GLCCI1: variants seen among roughly 807,000 people sequenced by gnomAD.
GLCCI1 encodes the protein glucocorticoid induced 1.
Under a neutral mutation model 52.2 loss-of-function variants are expected in GLCCI1, and 24 were observed. The observed-to-expected ratio is 0.46, with a 90% confidence interval of 0.33 to 0.65. The LOEUF is 0.65. GLCCI1 is among the 30% of genes least tolerant of loss of function. The pLI is 0.02. For synonymous variants in GLCCI1, 310 were observed against 276.5 expected, an observed-to-expected ratio of 1.12 and a Z score of -1.20; for missense variants, 704 against 701.5, an observed-to-expected ratio of 1.00 and a Z score of -0.04.
chr7:7,990,264 T>C (rs1780811779), intron 1 of GLCCI1, among the ~76,000 whole-genome samples: 1 of 152,100 alleles, frequency 6.6e-6, no homozygotes, highest in Non-Finnish European at 1.5e-5. Flanking sequence ...CAGTGCTCTT[T>C]GTTTGTTGAG....
In GLCCI1 at chr7:8,052,900, C is replaced by T. The variant is rs543610660; in HGVS notation, c.697-2533C>T. ...TAAGTTAAGATTTCCCATTTCCCTGCTCTATGGTGGAATAGAATTCATTCT... is the reference window on the plus strand; with the variant it reads ...TAAGTTAAGATTTCCCATTTCCCTGTTCTATGGTGGAATAGAATTCATTCT... On this transcript the variant is annotated intron_variant, in intron 3 of 7. Transcript: ENST00000223145. Among the ~76,000 whole-genome samples, 203 of 152,212 alleles carry T rather than the reference C, an allele frequency of 1.3e-3. 1 individual carries two copies. Among genetic ancestry groups the T allele is most frequent in the African/African-American group, 4.6e-3 (192 of 41,524 alleles).
chr7:8,043,045 A>T (rs529792528), intron 3 of GLCCI1, among the ~76,000 whole-genome samples: 66 of 152,356 alleles, frequency 4.3e-4, no homozygotes, highest in Non-Finnish European at 7.1e-4. Context: ...CATCTACGAG[A>T]CAAGAGCTTC....
intron 1 of GLCCI1, among the ~76,000 whole-genome samples, chr7:7,991,481 A>G (rs983728005): frequency 3.9e-5 from 6 of 152,094 alleles, no homozygotes; most frequent in Non-Finnish European, 7.4e-5. Flanking sequence ...TACATTTTAC[A>G]TGGCATAATT....
rs1201670907 is a variant in GLCCI1, at chr7:8,045,289, C to A, written c.697-10144C>A. On this transcript the variant is annotated intron_variant, in intron 3 of 7. Transcript: ENST00000223145. ...TTCACAAGGCACACTTACAGATGCA[C>A]CCACACTCGCTCAGACTGGGACCAT... Among the ~76,000 whole-genome samples, 6 of 152,180 alleles carry A rather than the reference C, an allele frequency of 3.9e-5. No homozygotes were observed. The East Asian group carries it at 1.2e-3, about 29-fold the overall frequency.
intron 5 of GLCCI1, among the ~76,000 whole-genome samples, chr7:8,060,492 C>T (rs1405470838): frequency 6.6e-6 from 1 of 152,174 alleles, no homozygotes. Flanking sequence ...TCTCTCATTT[C>T]CCTGTAATAC....
rs944963184 is a variant in GLCCI1 at position 8,084,785 on chromosome 7, G to A, written c.1178-112G>A. 5.9e-6 allele frequency: 6 copies of A among 1,022,410 alleles called. No homozygotes were observed. The Admixed American group carries it at 1.2e-4, about 21-fold the overall frequency. 63.3% of individuals were successfully genotyped at this position (1,022,410 alleles called of 1,614,324 possible). Reference sequence around the variant, plus strand: ...AAATAGCTTTGCAATAAAGGAGACTGGTCAAAGCATAGGGGCAGTAGTGGA... The same window carrying A: ...AAATAGCTTTGCAATAAAGGAGACTAGTCAAAGCATAGGGGCAGTAGTGGA... On this transcript the variant is annotated intron_variant, in intron 6 of 7. Transcript: ENST00000223145.
chr7:8,026,374 G>A (rs1206772427), intron 3 of GLCCI1, among the ~76,000 whole-genome samples: 3 of 152,092 alleles, frequency 2.0e-5, no homozygotes, highest in Non-Finnish European at 4.4e-5. Context: ...CACAAAAATA[G>A]AAGCCTACAG....
intron 6 of GLCCI1, among the ~76,000 whole-genome samples, chr7:8,077,583 A>C (rs1271425640): frequency 6.6e-6 from 1 of 152,150 alleles, no homozygotes; most frequent in Non-Finnish European, 1.5e-5. Context: ...CCTCACCTAT[A>C]AATTGGGGAT....
chr7:8,038,461 A>C (rs1194409298), intron 3 of GLCCI1, among the ~76,000 whole-genome samples: 1 of 152,222 alleles, frequency 6.6e-6, no homozygotes, highest in Non-Finnish European at 1.5e-5. Flanking sequence ...CCAGAAATAA[A>C]GTCAACTGAT....
chr7:8,048,359 A>G (rs1583999294), intron 3 of GLCCI1, among the ~76,000 whole-genome samples: 1 of 152,092 alleles, frequency 6.6e-6, no homozygotes, highest in African/African-American at 2.4e-5. Context: ...ACAACCCTTC[A>G]TGATGGTTCA....
chr7:8,069,677 A>G (rs1782711070), intron 5 of GLCCI1, among the ~76,000 whole-genome samples: 1 of 152,234 alleles, frequency 6.6e-6, no homozygotes, highest in Non-Finnish European at 1.5e-5. Flanking sequence ...CTCCAAGGGC[A>G]GCAGGGGCAG....
chr7:8,065,524 C>T (rs1010441708), intron 5 of GLCCI1, among the ~76,000 whole-genome samples: 1 of 152,122 alleles, frequency 6.6e-6, no homozygotes, highest in Non-Finnish European at 1.5e-5. Flanking sequence ...TTCAGTATGA[C>T]GTTGGCTGTG....
chr7:8,020,251 A>T (rs1781457486), intron 2 of GLCCI1, among the ~76,000 whole-genome samples: 1 of 152,140 alleles, frequency 6.6e-6, no homozygotes, highest in Non-Finnish European at 1.5e-5. Flanking sequence ...GATCATCAAG[A>T]CATCACTAGG....
chr7:7,969,886 G>T lies in GLCCI1; in HGVS notation c.457+79G>T, dbSNP rs1005042737. Reference sequence around the variant, plus strand: ...TCCGTGGAAACTTCAGCCTCTTCGGGCTTCTCTTTGCTAGTGCATTATCGA... The same window carrying T: ...TCCGTGGAAACTTCAGCCTCTTCGGTCTTCTCTTTGCTAGTGCATTATCGA... On this transcript the variant is annotated intron_variant, in intron 1 of 7. Transcript: ENST00000223145. This position sits in a 1 kb window ranked among gnomAD's most constrained non-coding sequence, Gnocchi z 4.9. The T allele has an allele frequency of 2.0e-5, 24 of 1,193,432 alleles. No individual in the cohort carries two copies. Among genetic ancestry groups the T allele is most frequent in the Non-Finnish European group, 2.3e-5 (22 of 950,312 alleles). The allele number at this position is 1,193,432 out of a possible 1,614,324, so 73.9% of individuals were successfully genotyped here. A position where few individuals can be genotyped will look rare whatever the true frequency, so the allele number is the denominator to read the frequency against.
chr7:8,023,987 C>G (rs1333176913), intron 3 of GLCCI1, among the ~76,000 whole-genome samples: 1 of 152,046 alleles, frequency 6.6e-6, no homozygotes, highest in Non-Finnish European at 1.5e-5. Flanking sequence ...AATCTGTTCT[C>G]TTATGTATTG....
intron 2 of GLCCI1, among the ~76,000 whole-genome samples, chr7:8,018,095 T>C (rs923926607): frequency 6.6e-6 from 1 of 152,188 alleles, no homozygotes; most frequent in Non-Finnish European, 1.5e-5. Flanking sequence ...ATTTTTCAGC[T>C]AATTACATCT....
intron 3 of GLCCI1, among the ~76,000 whole-genome samples, chr7:8,042,493 G>A (rs1344466407): frequency 1.3e-5 from 2 of 152,192 alleles, no homozygotes; most frequent in Admixed American, 1.3e-4. Context: ...CAGATGTGGT[G>A]GAAATAGCAA....
At chr7:8,060,352 C>A in intron 5 of GLCCI1, 104 bp downstream of exon 5, 1 of 853,928 alleles carries the variant, frequency 1.2e-6, no homozygotes, top group Non-Finnish European at 1.8e-6. Context: ...ATTCACATAC[C>A]ATCCAGTTTA....
At position 7,969,365 on chromosome 7, in the gene GLCCI1, C is replaced by G; in HGVS notation, c.15C>G (p.Ser5=). The G allele has an allele frequency of 6.7e-7, 1 of 1,487,426 alleles. No homozygotes were observed. Among genetic ancestry groups the G allele is most frequent in the East Asian group, 2.8e-5 (1 of 35,528 alleles). The allele number at this position is 1,487,426 out of a possible 1,614,324, so 92.1% of individuals were successfully genotyped here. A position where few individuals can be genotyped will look rare whatever the true frequency, so the allele number is the denominator to read the frequency against. ...GCAGAGCCACCATGTCCACTGCCTC[C>G]TCCTCCTCCTCCTCCAGTTCCTCTC... is the stretch of plus-strand genomic sequence containing the variant. MSTA[S]SSSSSSSSQT... is the part of the protein sequence containing the mutation. Residue 5 remains serine, a synonymous_variant, in exon 1 of 8, where the codon TCC becomes TCG. Transcript: ENST00000223145. The surrounding 1 kb of genome is among the most constrained non-coding windows in gnomAD (Gnocchi z 4.9).
Sources: allele counts gnomAD v4.1 joint callset (sites outside exome capture counted in the v4.1 genomes callset), GRCh38; gene constraint gnomAD v4.1.1; non-coding constraint Gnocchi (gnomAD v3.1); transcripts MANE v1.5; gene names NCBI Gene and HGNC (gene_info 2026-07-23, HGNC 2026-07-21).